CHD7: variants seen among roughly 807,000 people sequenced by gnomAD.
CHD7 encodes the protein ATP-dependent chromatin remodeler CHD7.
A neutral mutation model predicts 307.3 loss-of-function variants in CHD7; 24 were observed. The observed-to-expected ratio is 0.08, with a 90% CI of 0.06 to 0.11. CHD7 has a LOEUF of 0.11. Ranked by LOEUF, CHD7 falls within the 10% of genes least tolerant of loss-of-function variation. The probability of loss-of-function intolerance (pLI) is 1.00; values close to 1 mark genes in which losing one functional copy is unlikely to be tolerated. For missense variants in CHD7, 3,106 were observed against 3,727.1 expected (o/e 0.83, Z 4.34); for synonymous variants, 1,363 against 1,349.9 (o/e 1.01, Z -0.21).
chr8:60,750,688 T>C (rs901309848), intron 2 of CHD7, among the ~76,000 whole-genome samples: 2 of 152,234 alleles, frequency 1.3e-5, no homozygotes, highest in East Asian at 1.9e-4. Context: ...AAACCTGATA[T>C]GTATTTTACA....
At position 60,747,675 on chromosome 8, in the gene CHD7, C is replaced by G. The variant is rs1004347934; in HGVS notation, c.1665+4578C>G. Among the ~76,000 whole-genome samples, 4 of 152,164 alleles carry G rather than the reference C, an allele frequency of 2.6e-5. No individual in the cohort carries two copies. In the East Asian group the frequency reaches 5.8e-4, roughly 22 times the overall value. On this transcript the variant is annotated intron_variant, in intron 2 of 37. Coordinates refer to ENST00000423902, the MANE Select transcript of CHD7 (RefSeq NM_017780.4). ...ATCTCAGGATCATGTAGAAATAGTT[C>G]TGGTCTCACAGACCCTACAGAAACC...
chr8:60,820,076 G>C lies in CHD7; in HGVS notation c.2683G>C (p.Asp895His). ...GATAATGGACTTTGCACGTAGCACA[G>C]ATGACCGGGGAGAGGTAACAGGAGA... is the stretch of plus-strand genomic sequence containing the variant. Reference protein sequence around the residue: ...DRIMDFARSTDDRGEPVTHYL... With the variant: ...DRIMDFARSTHDRGEPVTHYL... Residue 895 changes from aspartate to histidine, a missense_variant, in exon 9 of 38, where the codon GAT becomes CAT. Transcript: ENST00000423902. 6.2e-7 allele frequency: 1 copy of C among 1,606,926 alleles called. No individual in the cohort carries two copies. Among genetic ancestry groups the C allele is most frequent in the South Asian group, 1.1e-5 (1 of 89,696 alleles).
Position 60,741,921 on chromosome 8 carries a change from G to GCAGCCA in CHD7, c.495_500dup (p.Gln168_Pro169dup), listed in dbSNP as rs758131874. 1.1e-5 allele frequency: 17 copies of GCAGCCA among 1,612,788 alleles called. No homozygotes were observed. The highest frequency in any genetic ancestry group is 1.7e-5 in the Admixed American group (1 of 59,844). The stretch of plus-strand genomic sequence containing the variant: ...AGATACGAGCCCCCTACCAGCAGCA[G>GCAGCCA]CAGCCACAGCCGCAGCCACCGCAGC... On this transcript the variant is annotated inframe_insertion, in exon 2 of 38. Transcript: ENST00000423902.
intron 4 of CHD7, among the ~76,000 whole-genome samples, chr8:60,798,048 A>C (rs1329186270): frequency 6.6e-6 from 1 of 152,252 alleles, no homozygotes; most frequent in Non-Finnish European, 1.5e-5. Flanking sequence ...CCCATTCTAC[A>C]GACCAGGAGT....
chr8:60,759,413 C>G (rs1810051582), intron 2 of CHD7, among the ~76,000 whole-genome samples: 1 of 151,632 alleles, frequency 6.6e-6, no homozygotes, highest in South Asian at 2.1e-4. Flanking sequence ...CTCCGCCTCC[C>G]TTTCTCCCTC....
chr8:60,834,736 AATT>A (rs1210984009), intron 15 of CHD7, among the ~76,000 whole-genome samples: 1 of 152,202 alleles, frequency 6.6e-6, no homozygotes, highest in Non-Finnish European at 1.5e-5. Context: ...GTTCTCAGTA[AATT>A]ATTTGTTGAT....
At chr8:60,708,133 A>T (rs763755144) in intron 1 of CHD7, among the ~76,000 whole-genome samples, 9 of 152,234 alleles carry the variant, frequency 5.9e-5, no homozygotes, top group Admixed American at 2.0e-4. Context: ...TCTAGGAGAA[A>T]TAGAGAAGAC....
chr8:60,689,662 G>A (rs1806097961), intron 1 of CHD7, among the ~76,000 whole-genome samples: 1 of 152,214 alleles, frequency 6.6e-6, no homozygotes, highest in South Asian at 2.1e-4. Flanking sequence ...AGCTCCTGGA[G>A]AAAAATCGAG....
rs561189576 is a variant in CHD7 at position 60,846,714 on chromosome 8, A to G, written c.5210+1305A>G. Among the ~76,000 whole-genome samples, 14 of 152,372 alleles carry G rather than the reference A, an allele frequency of 9.2e-5. No homozygotes were observed. The East Asian group carries it at 2.5e-3, about 27-fold the overall frequency. On this transcript the variant is annotated intron_variant, in intron 23 of 37. Transcript: ENST00000423902. ...AGCACATAATACTGGCAGCATGCCA[A>G]GCGCTTTGTATGGATTATCTGTTTG...
intron 3 of CHD7, among the ~76,000 whole-genome samples, chr8:60,788,099 G>T (rs1433137212): frequency 6.6e-6 from 1 of 151,652 alleles, no homozygotes; most frequent in African/African-American, 2.4e-5. Flanking sequence ...TGGGATTACA[G>T]GTGTGATCAC....
intron 1 of CHD7, among the ~76,000 whole-genome samples, chr8:60,738,074 T>G (rs903200075): frequency 6.6e-6 from 1 of 152,230 alleles, no homozygotes; most frequent in African/African-American, 2.4e-5. Flanking sequence ...TTATGAGACT[T>G]TAAAAAATTT....
At chr8:60,750,706 C>T (rs1034267735) in intron 2 of CHD7, among the ~76,000 whole-genome samples, 5 of 152,322 alleles carry the variant, frequency 3.3e-5, no homozygotes, top group Non-Finnish European at 7.3e-5. Context: ...ACACAGATTG[C>T]GTGAGCTGCA....
chr8:60,797,378 A>G (rs1330222202), intron 4 of CHD7, among the ~76,000 whole-genome samples: 1 of 152,262 alleles, frequency 6.6e-6, no homozygotes, highest in African/African-American at 2.4e-5. Context: ...ACAGATTTAT[A>G]TCACAAAGTT....
chr8:60,799,199 G>A (rs1008522298), intron 4 of CHD7, among the ~76,000 whole-genome samples: 2 of 152,256 alleles, frequency 1.3e-5, no homozygotes, highest in East Asian at 3.9e-4. Context: ...GCTACTTCTT[G>A]TTATGTGGCT....
chr8:60,851,355 C>A lies in CHD7; in HGVS notation c.5665+36C>A, dbSNP rs371595611. ...AGAAAAGCTTGTGTAGCCGAGCAGA[C>A]GTGCACTGAGCAGTCATTGTTCACG... On this transcript the variant is annotated intron_variant, in intron 28 of 37. Coordinates refer to ENST00000423902, the MANE Select transcript of CHD7 (RefSeq NM_017780.4). 4.7e-6 allele frequency: 7 copies of A among 1,478,634 alleles called. No individual in the cohort carries two copies. The African/African-American group carries it at 8.4e-5, about 18-fold the overall frequency. The allele number at this position is 1,478,634 out of a possible 1,614,324, so 91.6% of individuals were successfully genotyped here.
chr8:60,817,641 A>G (rs1803812392), intron 8 of CHD7, among the ~76,000 whole-genome samples: 1 of 152,228 alleles, frequency 6.6e-6, no homozygotes, highest in African/African-American at 2.4e-5. Flanking sequence ...GACTCAATTC[A>G]TAGATCTTGG....
intron 30 of CHD7, 21 bp from the exon 31 acceptor site, chr8:60,852,808 A>G: frequency 1.2e-6 from 2 of 1,609,850 alleles, no homozygotes; most frequent in Non-Finnish European, 1.7e-6. Flanking sequence ...CCAAGTAAAT[A>G]TGAGCCCTTC....
At chr8:60,714,175 C>T (rs1016527879) in intron 1 of CHD7, among the ~76,000 whole-genome samples, 1 of 151,620 alleles carries the variant, frequency 6.6e-6, no homozygotes, top group Non-Finnish European at 1.5e-5. Flanking sequence ...GGCGAGCGGG[C>T]CCCCCGGGGG....
chr8:60,814,484 C>A (rs1313882094), intron 7 of CHD7, among the ~76,000 whole-genome samples: 1 of 152,202 alleles, frequency 6.6e-6, no homozygotes, highest in African/African-American at 2.4e-5. Context: ...CTCCCTCTGT[C>A]ACCCAGGCTT....
Sources: gnomAD v4.1 joint callset for allele counts (sites outside exome capture counted in the v4.1 genomes callset) on GRCh38, gnomAD v4.1.1 for gene constraint, MANE v1.5 for transcripts, NCBI Gene and HGNC (gene_info 2026-07-23, HGNC 2026-07-21) for gene names.